Variants in TMEM41B observed in about 807,000 individuals in gnomAD.
TMEM41B encodes the protein transmembrane protein 41B, also known as protein stasimon.
In TMEM41B, 18 loss-of-function variants were observed where a neutral mutation model predicts 31.9. That is an observed-to-expected ratio of 0.56 (90% CI 0.39 to 0.84). The LOEUF is 0.84. TMEM41B is among the 40% of genes least tolerant of loss of function. TMEM41B has a pLI of 0.00. For missense variants in TMEM41B, 322 were observed against 348.0 expected, an observed-to-expected ratio of 0.93 and a Z score of 0.59; for synonymous variants, 144 against 124.3, an observed-to-expected ratio of 1.16 and a Z score of -1.05.
intron 1 of TMEM41B, among the ~76,000 whole-genome samples, chr11:9,303,528 T>A (rs1434629449): frequency 6.6e-6 from 1 of 152,166 alleles, no homozygotes; most frequent in African/African-American, 2.4e-5. Flanking sequence ...TAATACTAAA[T>A]ATAAATTATT....
chr11:9,313,886 G>T (rs756009492), intron 1 of TMEM41B, among the ~76,000 whole-genome samples: 5 of 152,072 alleles, frequency 3.3e-5, no homozygotes, highest in Non-Finnish European at 5.9e-5. Flanking sequence ...CTGCCACCTG[G>T]AAGTATTAAG....
intron 1 of TMEM41B, among the ~76,000 whole-genome samples, chr11:9,306,144 A>G (rs1217601682): frequency 1.3e-5 from 2 of 151,406 alleles, no homozygotes; most frequent in African/African-American, 4.8e-5. Flanking sequence ...ACCCCCAGCT[A>G]ATTTTTGTAT....
At chr11:9,311,304 G>C in intron 1 of TMEM41B, 1 of 1,524,058 alleles carries the variant, frequency 6.6e-7, no homozygotes, top group Non-Finnish European at 9.0e-7. Flanking sequence ...GCTGGAAGAG[G>C]AGGAGGAATG....
chr11:9,307,045 C>G (rs1464867391), intron 1 of TMEM41B, among the ~76,000 whole-genome samples: 1 of 152,096 alleles, frequency 6.6e-6, no homozygotes, highest in Non-Finnish European at 1.5e-5. Flanking sequence ...TTACAAGTAC[C>G]TTTCCTTTAA....
At chr11:9,286,833 T>C (rs184656379) in intron 5 of TMEM41B, among the ~76,000 whole-genome samples, 1 of 150,278 alleles carries the variant, frequency 6.7e-6, no homozygotes, top group African/African-American at 2.5e-5. Flanking sequence ...AACCCGTTTC[T>C]ACTAAAAATA....
chr11:9,300,863 G>C (rs1383925355), intron 1 of TMEM41B, among the ~76,000 whole-genome samples: 1 of 150,710 alleles, frequency 6.6e-6, no homozygotes, highest in Non-Finnish European at 1.5e-5. Flanking sequence ...GGGCGACAAA[G>C]CAAGATTCCG....
chr11:9,287,893 T>C (rs1852871654), intron 4 of TMEM41B, 87 bp from the exon 5 acceptor site: 1 of 981,976 alleles, frequency 1.0e-6, no homozygotes. Flanking sequence ...GCTCAATTAA[T>C]TTACTTCTTT....
At chr11:9,299,244 C>T (rs1459081575) in intron 2 of TMEM41B, among the ~76,000 whole-genome samples, 1 of 130,200 alleles carries the variant, frequency 7.7e-6, no homozygotes. Flanking sequence ...GATCACGCCA[C>T]TGCATTCCAG....
rs1136330 is a variant in TMEM41B, at chr11:9,283,392, T to C, written c.*32A>G. 119,770 of 1,563,530 alleles carry C rather than the reference T, an allele frequency of 0.077. 5,294 individuals are homozygous for C. The highest frequency in any genetic ancestry group is 0.1 in the South Asian group (8,692 of 85,630). ...GCACCTGTTAATCCTGAGATGGTGATGACAGCAAAACTAAAAATCAGATGA... is the reference window on the plus strand; with the variant it reads ...GCACCTGTTAATCCTGAGATGGTGACGACAGCAAAACTAAAAATCAGATGA... On this transcript the variant is annotated 3_prime_UTR_variant, in exon 7 of 7. Coordinates refer to ENST00000528080, the MANE Select transcript of TMEM41B (RefSeq NM_015012.4).
intron 3 of TMEM41B, among the ~76,000 whole-genome samples, chr11:9,291,644 C>A (rs1315303776): frequency 6.6e-6 from 1 of 151,960 alleles, no homozygotes; most frequent in East Asian, 1.9e-4. Flanking sequence ...TCGTGATCCA[C>A]CCCGCTTGGC....
intron 3 of TMEM41B, among the ~76,000 whole-genome samples, chr11:9,291,618 T>C (rs998613439): frequency 6.6e-6 from 1 of 151,734 alleles, no homozygotes; most frequent in Non-Finnish European, 1.5e-5. Flanking sequence ...GCCAGGATAG[T>C]CTCCATCTCC....
chr11:9,285,601 G>A (rs1852818919), intron 6 of TMEM41B, among the ~76,000 whole-genome samples: 1 of 152,104 alleles, frequency 6.6e-6, no homozygotes, highest in Admixed American at 6.6e-5. Context: ...TAATTTTCAT[G>A]TCCACTGATT....
At chr11:9,314,197 C>A (rs1297930119) in intron 1 of TMEM41B, 124 bp downstream of exon 1, 2 of 1,290,240 alleles carry the variant, frequency 1.6e-6, no homozygotes, top group Admixed American at 5.8e-5. Context: ...TCTCTGCTCC[C>A]GCCGCGGCGC....
intron 1 of TMEM41B, among the ~76,000 whole-genome samples, chr11:9,304,463 CA>C (rs1853334507): frequency 6.6e-6 from 1 of 151,828 alleles, no homozygotes; most frequent in Non-Finnish European, 1.5e-5. Context: ...ATATAAACCC[CA>C]TTTATTTATT....
At chr11:9,289,321 T>C (rs1299215313) in intron 3 of TMEM41B, among the ~76,000 whole-genome samples, 1 of 1,432 alleles carries the variant, frequency 7.0e-4, no homozygotes, top group Non-Finnish European at 0.1. Context: ...TTAAAATAGA[T>C]TTTTTTTTTT....
In TMEM41B at chr11:9,288,558, T is replaced by C. The variant is rs1852886944; in HGVS notation, c.369-23A>G. The C allele has an allele frequency of 2.7e-6, 4 of 1,486,150 alleles. No individual in the cohort carries two copies. The African/African-American group carries it at 4.3e-5, about 16-fold the overall frequency. The allele number at this position is 1,486,150 out of a possible 1,614,324, so 92.1% of individuals were successfully genotyped here. On this transcript the variant is annotated intron_variant, in intron 3 of 6. Transcript: ENST00000528080. ...AAGCTGGTAACTTTTAAGTTAAGGA[T>C]TAGAATATAATTAAGTAGAATTTTA...
chr11:9,298,333 C>G (rs1853150430), intron 2 of TMEM41B, among the ~76,000 whole-genome samples: 1 of 151,108 alleles, frequency 6.6e-6, no homozygotes, highest in Non-Finnish European at 1.5e-5. Flanking sequence ...GTGGTGCACA[C>G]CTGTAATTCC....
At chr11:9,305,001 A>T (rs1853349386) in intron 1 of TMEM41B, among the ~76,000 whole-genome samples, 1 of 152,076 alleles carries the variant, frequency 6.6e-6, no homozygotes, top group Non-Finnish European at 1.5e-5. Context: ...TATTTTGCCC[A>T]GGCTGGTCTT....
At chr11:9,305,279 T>G (rs902736057) in intron 1 of TMEM41B, among the ~76,000 whole-genome samples, 8 of 152,104 alleles carry the variant, frequency 5.3e-5, no homozygotes, top group Non-Finnish European at 8.8e-5. Flanking sequence ...GTAGTGTATA[T>G]TTTTTCAGGA....
Sources: gnomAD v4.1 joint callset for allele counts (sites outside exome capture counted in the v4.1 genomes callset) on GRCh38, gnomAD v4.1.1 for gene constraint, MANE v1.5 for transcripts, NCBI Gene and HGNC (gene_info 2026-07-23, HGNC 2026-07-21) for gene names.